The following LUZP2 variants were observed in gnomAD, a reference collection of about 807,000 sequenced individuals.
The protein encoded by LUZP2 is leucine zipper protein 2.
In LUZP2, 52 loss-of-function variants were observed where a neutral mutation model predicts 51.6. The ratio of observed to expected loss-of-function variants is 1.01; its 90% CI spans 0.81 to 1.27. The LOEUF (loss-of-function observed/expected upper bound fraction) is 1.27. Ranked by LOEUF, LUZP2 falls within the 50% of genes most tolerant of loss-of-function variation. The probability of loss-of-function intolerance (pLI) is 0.00; values close to 1 mark genes in which losing one functional copy is unlikely to be tolerated. For missense variants in LUZP2, 436 were observed against 395.4 expected, an observed-to-expected ratio of 1.10 and a Z score of -0.87; for synonymous variants, 154 against 137.3, an observed-to-expected ratio of 1.12 and a Z score of -0.85.
At chr11:24,936,757 A>G (rs956928059) in intron 7 of LUZP2, among the ~76,000 whole-genome samples, 3 of 152,080 alleles carry the variant, frequency 2.0e-5, no homozygotes, top group Non-Finnish European at 4.4e-5. Flanking sequence ...CAATGAAATC[A>G]TTTCAGTACT....
chr11:25,022,425 A>C (rs1175288610), intron 9 of LUZP2, among the ~76,000 whole-genome samples: 1 of 152,024 alleles, frequency 6.6e-6, no homozygotes, highest in African/African-American at 2.4e-5. Flanking sequence ...TACTAGCCTG[A>C]AATGGAAGGG....
chr11:24,676,795 C>G (rs1473467735), intron 1 of LUZP2, among the ~76,000 whole-genome samples: 1 of 152,058 alleles, frequency 6.6e-6, no homozygotes, highest in African/African-American at 2.4e-5. Context: ...TCCCAAGTAG[C>G]TGAGACTACA....
intron 1 of LUZP2, among the ~76,000 whole-genome samples, chr11:24,607,643 A>G (rs1393456147): frequency 6.6e-6 from 1 of 151,998 alleles, no homozygotes; most frequent in Non-Finnish European, 1.5e-5. Context: ...GATTCCATAC[A>G]AAGTTTAGGA....
At position 24,724,944 on chromosome 11, in the gene LUZP2, T is replaced by C. The variant is rs1326207043; in HGVS notation, c.63-4225T>C. Among the ~76,000 whole-genome samples, 9 of 152,184 alleles carry C rather than the reference T, an allele frequency of 5.9e-5. No individual in the cohort carries two copies. The East Asian group carries it at 1.7e-3, about 29-fold the overall frequency. On this transcript the variant is annotated intron_variant, in intron 1 of 11. Transcript: ENST00000336930. ...ATAAGTCTAACAAAAAATGAGTAAATGTAAAGAATTTCCGTATTATAAAAA... is the reference window on the plus strand; with the variant it reads ...ATAAGTCTAACAAAAAATGAGTAAACGTAAAGAATTTCCGTATTATAAAAA...
intron 1 of LUZP2, among the ~76,000 whole-genome samples, chr11:24,711,000 A>AG (rs1464484064): frequency 1.5e-5 from 2 of 134,048 alleles, no homozygotes; most frequent in South Asian, 2.1e-4. Flanking sequence ...GGAGGTAGAG[A>AG]GGGGGAAAAA....
chr11:24,602,193 T>C (rs1402650798), intron 1 of LUZP2, among the ~76,000 whole-genome samples: 2 of 129,682 alleles, frequency 1.5e-5, no homozygotes, highest in African/African-American at 2.7e-5. Flanking sequence ...TATATGTATA[T>C]ATGTACATAT....
At chr11:24,826,198 T>A (rs1316225240) in intron 5 of LUZP2, among the ~76,000 whole-genome samples, 4 of 137,412 alleles carry the variant, frequency 2.9e-5, no homozygotes, top group African/African-American at 8.0e-5. Context: ...AAAATATATA[T>A]ATATATATAT....
chr11:24,551,612 T>C (rs1357587899), intron 1 of LUZP2, among the ~76,000 whole-genome samples: 5 of 152,088 alleles, frequency 3.3e-5, no homozygotes. Context: ...TCAAAAATTT[T>C]TTTAAAAACC....
At chr11:24,656,595 C>T (rs1855813444) in intron 1 of LUZP2, among the ~76,000 whole-genome samples, 1 of 152,166 alleles carries the variant, frequency 6.6e-6, no homozygotes. Flanking sequence ...GGGAAAGAAT[C>T]TTCTTCCGAG....
At chr11:24,643,316 G>A (rs945480078) in intron 1 of LUZP2, among the ~76,000 whole-genome samples, 1 of 151,654 alleles carries the variant, frequency 6.6e-6, no homozygotes, top group Non-Finnish European at 1.5e-5. Context: ...GGGAGGTTGG[G>A]GGGTAGAGAA....
rs1226145805 is a variant in LUZP2 at position 24,534,316 on chromosome 11, A to T, written c.62+37011A>T. Reference sequence around the variant, plus strand: ...ACATACATAGAGAGCACATAAATACATGTATATTTCCATATAGAGAGAGAG... The same window carrying T: ...ACATACATAGAGAGCACATAAATACTTGTATATTTCCATATAGAGAGAGAG... On this transcript the variant is annotated intron_variant, in intron 1 of 11. Coordinates refer to ENST00000336930, the MANE Select transcript of LUZP2 (RefSeq NM_001009909.4). 2.0e-5 allele frequency among the ~76,000 whole-genome samples: 3 copies of T among 151,220 alleles called. 1 individual carries two copies. In the East Asian group the frequency reaches 5.8e-4, roughly 29 times the overall value.
chr11:24,682,507 A>AG (rs142862807), intron 1 of LUZP2, among the ~76,000 whole-genome samples: 4 of 37,306 alleles, frequency 1.1e-4, no homozygotes, highest in Non-Finnish European at 2.0e-4. Context: ...AAAAAAAAAA[A>AG]TGCAAAAATG....
chr11:24,565,583 A>G (rs1369507663), intron 1 of LUZP2, among the ~76,000 whole-genome samples: 2 of 152,190 alleles, frequency 1.3e-5, no homozygotes, highest in African/African-American at 4.8e-5. Context: ...CATATGTAAT[A>G]AAATCTAGCT....
At chr11:24,634,861 G>C (rs1855025542) in intron 1 of LUZP2, among the ~76,000 whole-genome samples, 1 of 152,004 alleles carries the variant, frequency 6.6e-6, no homozygotes, top group African/African-American at 2.4e-5. Context: ...TCTGTGACTT[G>C]GAACAGATAC....
At chr11:24,549,255 T>C (rs1361095124) in intron 1 of LUZP2, among the ~76,000 whole-genome samples, 2 of 152,112 alleles carry the variant, frequency 1.3e-5, no homozygotes, top group Non-Finnish European at 2.9e-5. Flanking sequence ...TAACACAATA[T>C]TGGCCTAGGC....
chr11:24,920,064 A>G (rs1853985807), intron 7 of LUZP2, among the ~76,000 whole-genome samples: 1 of 151,852 alleles, frequency 6.6e-6, no homozygotes, highest in Admixed American at 6.6e-5. Flanking sequence ...TTAAAGATTT[A>G]AGTCACTTGA....
At chr11:24,671,561 T>TAC (rs61319296) in intron 1 of LUZP2, among the ~76,000 whole-genome samples, 3,616 of 148,090 alleles carry the variant, frequency 0.024, 61 homozygotes, top group African/African-American at 0.043. Context: ...CTCTCTGTCT[T>TAC]ACACACACAC....
intron 1 of LUZP2, among the ~76,000 whole-genome samples, chr11:24,575,575 G>GT (rs1341942674): frequency 2.6e-5 from 4 of 151,958 alleles, no homozygotes; most frequent in Admixed American, 6.6e-5. Flanking sequence ...ATTGCTATGT[G>GT]TTTTTTTCTT....
At chr11:24,558,547 G>A (rs1851940546) in intron 1 of LUZP2, among the ~76,000 whole-genome samples, 1 of 152,084 alleles carries the variant, frequency 6.6e-6, no homozygotes, top group Admixed American at 6.6e-5. Flanking sequence ...AGGCAAAAAT[G>A]TCAAGACAAT....
Sources: allele counts gnomAD v4.1 joint callset (sites outside exome capture counted in the v4.1 genomes callset), GRCh38; gene constraint gnomAD v4.1.1; transcripts MANE v1.5; gene names NCBI Gene and HGNC (gene_info 2026-07-23, HGNC 2026-07-21).